Variants in ZBTB7C observed in about 807,000 individuals in gnomAD.
The protein encoded by ZBTB7C is zinc finger and BTB domain containing 7C.
In ZBTB7C, 8 loss-of-function variants were observed where a neutral mutation model predicts 25.7. The ratio of observed to expected loss-of-function variants is 0.31; its 90% confidence interval spans 0.18 to 0.56. ZBTB7C has a LOEUF of 0.56. ZBTB7C is among the 20% of genes least tolerant of loss of function. ZBTB7C has a pLI of 0.91. For synonymous variants in ZBTB7C, 394 were observed against 369.0 expected (o/e 1.07, Z -0.78); for missense variants, 824 against 855.2 (o/e 0.96, Z 0.46).
At chr18:48,404,464 C>T (rs16949178) in intron 1 of ZBTB7C, among the ~76,000 whole-genome samples, 16,792 of 152,142 alleles carry the variant, frequency 0.11, 1,068 homozygotes, top group African/African-American at 0.15. Flanking sequence ...CGCATGCCCA[C>T]GGTTGGTTAC....
chr18:48,256,577 CA>C (rs1351050030), intron 2 of ZBTB7C, among the ~76,000 whole-genome samples: 31 of 150,852 alleles, frequency 2.1e-4, no homozygotes, highest in Admixed American at 2.0e-3. Context: ...TGGATCTAGA[CA>C]AAGCAATGAT....
chr18:48,055,367 G>A (rs550855588), intron 3 of ZBTB7C, among the ~76,000 whole-genome samples: 110 of 139,328 alleles, frequency 7.9e-4, no homozygotes, highest in African/African-American at 2.8e-3. Context: ...CTGAGATTGC[G>A]CCACTGCACT....
intron 2 of ZBTB7C, among the ~76,000 whole-genome samples, chr18:48,321,833 G>A (rs999865915): frequency 1.3e-5 from 2 of 152,182 alleles, no homozygotes; most frequent in South Asian, 4.1e-4. Flanking sequence ...CTCTGCATAA[G>A]CACCCCCATC....
At chr18:48,244,207 A>G (rs1037000993) in intron 2 of ZBTB7C, among the ~76,000 whole-genome samples, 5 of 152,216 alleles carry the variant, frequency 3.3e-5, no homozygotes, top group African/African-American at 1.2e-4. Context: ...CGAGGTCAGG[A>G]GATCGAGACC....
intron 3 of ZBTB7C, among the ~76,000 whole-genome samples, chr18:48,045,623 C>T (rs147487437): frequency 1.5e-3 from 235 of 152,278 alleles, no homozygotes; most frequent in Non-Finnish European, 2.3e-3. Context: ...CTCGCACTTC[C>T]GGGGGTCCAC....
chr18:48,386,979 AG>A (rs752221051), intron 1 of ZBTB7C, among the ~76,000 whole-genome samples: 5 of 152,216 alleles, frequency 3.3e-5, no homozygotes, highest in Non-Finnish European at 7.3e-5. Context: ...AGGAGTAATT[AG>A]TTCCAGTGGA....
At chr18:48,249,421 C>T (rs1046466498) in intron 2 of ZBTB7C, among the ~76,000 whole-genome samples, 11 of 152,138 alleles carry the variant, frequency 7.2e-5, no homozygotes, top group East Asian at 1.9e-4. Context: ...TGGAATATTA[C>T]GTGGCCATTA....
At chr18:48,057,828 G>C (rs2036975722) in intron 3 of ZBTB7C, among the ~76,000 whole-genome samples, 1 of 152,190 alleles carries the variant, frequency 6.6e-6, no homozygotes, top group African/African-American at 2.4e-5. Flanking sequence ...GTGGCTGTGA[G>C]GCTCAAGGGA....
At chr18:48,229,760 C>A (rs1216317361) in intron 2 of ZBTB7C, among the ~76,000 whole-genome samples, 1 of 152,124 alleles carries the variant, frequency 6.6e-6, no homozygotes, top group Non-Finnish European at 1.5e-5. Context: ...CCGAGGAAGA[C>A]GTGGGGGAGT....
intron 2 of ZBTB7C, among the ~76,000 whole-genome samples, chr18:48,199,124 C>T (rs1369877617): frequency 6.6e-6 from 1 of 152,198 alleles, no homozygotes; most frequent in Non-Finnish European, 1.5e-5. Context: ...TTTTTGCAGG[C>T]AACGTCCTTT....
chr18:48,051,946 T>G (rs886330632), intron 3 of ZBTB7C, among the ~76,000 whole-genome samples: 1 of 152,238 alleles, frequency 6.6e-6, no homozygotes, highest in African/African-American at 2.4e-5. Flanking sequence ...GGAGACTTGT[T>G]TTCTTTTAAG....
At chr18:48,239,703 G>A (rs1447094578) in intron 2 of ZBTB7C, among the ~76,000 whole-genome samples, 3 of 152,152 alleles carry the variant, frequency 2.0e-5, no homozygotes, top group Non-Finnish European at 2.9e-5. Flanking sequence ...TCTGTGGGAC[G>A]AATCTGAACA....
At chr18:48,188,189 G>C (rs371242740) in intron 2 of ZBTB7C, among the ~76,000 whole-genome samples, 10 of 152,172 alleles carry the variant, frequency 6.6e-5, no homozygotes, top group African/African-American at 2.4e-4. Flanking sequence ...GACTGGGCCA[G>C]GGAGCCTGTA....
intron 2 of ZBTB7C, among the ~76,000 whole-genome samples, chr18:48,296,457 A>G (rs909098015): frequency 6.6e-6 from 1 of 152,170 alleles, no homozygotes; most frequent in Non-Finnish European, 1.5e-5. Context: ...TTTTCCTTTA[A>G]GATGTCTCCT....
At chr18:48,105,241 C>T (rs1381526374) in intron 3 of ZBTB7C, among the ~76,000 whole-genome samples, 1 of 152,204 alleles carries the variant, frequency 6.6e-6, no homozygotes, top group African/African-American at 2.4e-5. Context: ...CACTGCAGAC[C>T]TTCAAATAGC....
intron 2 of ZBTB7C, among the ~76,000 whole-genome samples, chr18:48,245,525 A>G (rs544546454): frequency 1.5e-3 from 223 of 150,718 alleles, no homozygotes; most frequent in African/African-American, 5.2e-3. Context: ...TGAATTTTCT[A>G]TGGTATATAC....
chr18:48,304,501 C>T (rs1479460724), intron 2 of ZBTB7C, among the ~76,000 whole-genome samples: 2 of 152,144 alleles, frequency 1.3e-5, no homozygotes, highest in Non-Finnish European at 2.9e-5. Flanking sequence ...ATGGCAAAAC[C>T]CTGTCTCTAC....
At chr18:48,324,625 G>A (rs1568376765) in intron 2 of ZBTB7C, among the ~76,000 whole-genome samples, 1 of 152,152 alleles carries the variant, frequency 6.6e-6, no homozygotes, top group Non-Finnish European at 1.5e-5. Flanking sequence ...TGCTAGAGGA[G>A]GCTGATGAGG....
chr18:48,373,474 G>A (rs2047436855), intron 1 of ZBTB7C, among the ~76,000 whole-genome samples: 1 of 151,794 alleles, frequency 6.6e-6, no homozygotes, highest in Non-Finnish European at 1.5e-5. Context: ...AGAGTTTAGA[G>A]AGGCCAGGGC....
Sources: allele counts gnomAD v4.1 joint callset (sites outside exome capture counted in the v4.1 genomes callset), GRCh38; gene constraint gnomAD v4.1.1; transcripts MANE v1.5; gene names NCBI Gene and HGNC (gene_info 2026-07-23, HGNC 2026-07-21).